PDGFRA: variants seen among roughly 807,000 people sequenced by gnomAD.
PDGFRA encodes the protein platelet-derived growth factor receptor alpha.
Under a neutral mutation model 121.5 loss-of-function variants are expected in PDGFRA, and 25 were observed. The observed-to-expected ratio is 0.21, with a 90% CI of 0.15 to 0.29. The LOEUF is 0.29. Among genes scored for constraint, PDGFRA ranks in the 10% least tolerant of loss-of-function variants. The pLI is 1.00. For synonymous variants in PDGFRA, 463 were observed against 494.8 expected, an observed-to-expected ratio of 0.94 and a Z score of 0.85; for missense variants, 1,008 against 1,345.1, an observed-to-expected ratio of 0.75 and a Z score of 3.92.
Position 54,267,468 on chromosome 4 carries a change from C to T in PDGFRA, c.931+8C>T, listed in dbSNP as rs1218404717. 3.7e-6 allele frequency: 6 copies of T among 1,614,042 alleles called. No individual in the cohort carries two copies. In the South Asian group the frequency reaches 5.5e-5, roughly 15 times the overall value. ...TCACTATTTCTGTCCATGGTACATT[C>T]CGCTTTCTAAAATGTCAGTTGTCCA... is the stretch of plus-strand genomic sequence containing the variant. On this transcript the variant is annotated splice_region_variant and intron_variant, in intron 6 of 22. Transcript: ENST00000257290.
At chr4:54,269,691 G>A (rs936385002) in intron 7 of PDGFRA, among the ~76,000 whole-genome samples, 29 of 141,936 alleles carry the variant, frequency 2.0e-4, no homozygotes, top group African/African-American at 5.6e-4. Context: ...CACCCAGGCT[G>A]GAGTGCAGCG....
In PDGFRA at chr4:54,263,688, C is replaced by T. The variant is rs2110250671; in HGVS notation, c.389C>T (p.Pro130Leu). 1 of 1,613,620 alleles carries T rather than the reference C, an allele frequency of 6.2e-7. No individual in the cohort carries two copies. Among genetic ancestry groups the T allele is most frequent in the South Asian group, 1.1e-5 (1 of 91,068 alleles). ...ACAGACCCAGATGTAGCCTTTGTAC[C>T]TCTAGGAATGACGGATTATTTAGTC... Reference protein sequence around the residue: ...YVPDPDVAFVPLGMTDYLVIV... With the variant: ...YVPDPDVAFVLLGMTDYLVIV... The change falls in exon 4 of 23, where the codon CCT becomes CTT. Residue 130 changes from proline to leucine, a missense_variant. Physicochemically the swap from Pro to Leu is moderately conservative, Grantham distance 98 (BLOSUM62 -3). Around this residue, in one of 5 missense-constraint regions of PDGFRA, gnomAD observed 575 missense variants for 701.8 expected, o/e 0.82. Transcript: ENST00000257290.
chr4:54,281,987 T>G, intron 16 of PDGFRA: 3 of 1,076,316 alleles, frequency 2.8e-6, no homozygotes, highest in Non-Finnish European at 3.4e-6. Context: ...TACTTTTTCA[T>G]GTAGCTTGTA....
intron 2 of PDGFRA, among the ~76,000 whole-genome samples, chr4:54,260,741 G>C (rs1351262050): frequency 1.3e-5 from 2 of 152,026 alleles, no homozygotes; most frequent in African/African-American, 4.8e-5. Flanking sequence ...AACCTTTGCA[G>C]TGATTGTGAA....
At chr4:54,232,403 G>A (rs73149594) in intron 1 of PDGFRA, among the ~76,000 whole-genome samples, 2,839 of 152,308 alleles carry the variant, frequency 0.019, 96 homozygotes, top group African/African-American at 0.065. Context: ...AACCTGGGAT[G>A]GGCTGAAAAA....
At chr4:54,249,489 A>G (rs886102745) in intron 1 of PDGFRA, among the ~76,000 whole-genome samples, 8 of 152,230 alleles carry the variant, frequency 5.3e-5, no homozygotes, top group Non-Finnish European at 1.0e-4. Context: ...TTGTAGGGAC[A>G]TGGATGAAAT....
At chr4:54,264,863 T>C in intron 4 of PDGFRA, 56 bp from the exon 5 acceptor site, 2 of 1,470,206 alleles carry the variant, frequency 1.4e-6, no homozygotes, top group Non-Finnish European at 9.4e-7. Context: ...CCAAACTTTA[T>C]AAGATCCTGG....
intron 3 of PDGFRA, among the ~76,000 whole-genome samples, chr4:54,262,257 G>A (rs1184155832): frequency 6.6e-6 from 1 of 151,872 alleles, no homozygotes; most frequent in Non-Finnish European, 1.5e-5. Flanking sequence ...TAGAGATAGG[G>A]TTTCACTGTG....
intron 18 of PDGFRA, among the ~76,000 whole-genome samples, chr4:54,286,319 T>TTTTTTTTA (rs751851941): frequency 4.8e-5 from 7 of 146,306 alleles, no homozygotes; most frequent in Admixed American, 1.4e-4. Flanking sequence ...ATGTTAGCTA[T>TTTTTTTTA]TTTATTTATT....
intron 1 of PDGFRA, among the ~76,000 whole-genome samples, chr4:54,255,096 G>A (rs1722286064): frequency 6.6e-6 from 1 of 152,116 alleles, no homozygotes; most frequent in African/African-American, 2.4e-5. Flanking sequence ...TAGAATTTTG[G>A]CTCTGACACC....
intron 16 of PDGFRA, chr4:54,280,745 G>T: frequency 7.4e-6 from 2 of 270,348 alleles, no homozygotes; most frequent in East Asian, 6.3e-5. Context: ...GTGTGTTCCT[G>T]CAGTAAACAT....
chr4:54,297,891 G>A lies in PDGFRA; in HGVS notation c.*2619G>A, dbSNP rs754642977. On this transcript the variant is annotated 3_prime_UTR_variant, in exon 23 of 23. Transcript: ENST00000257290. ...TGTGAAGAGGGACATAAGATAAAATGATGTTATACATCAATATGTATATAT... is the reference window on the plus strand; with the variant it reads ...TGTGAAGAGGGACATAAGATAAAATAATGTTATACATCAATATGTATATAT... 1 of 233,198 alleles carries A rather than the reference G, an allele frequency of 4.3e-6. No homozygotes were observed. The highest frequency in any genetic ancestry group is 2.2e-5 in the African/African-American group (1 of 45,314). 14.4% of individuals were successfully genotyped at this position (233,198 alleles called of 1,614,324 possible).
rs781579645 is a variant in PDGFRA, at chr4:54,270,682, C to A, written c.1171C>A (p.His391Asn). 1 of 1,612,352 alleles carries A rather than the reference C, an allele frequency of 6.2e-7. No individual in the cohort carries two copies. Among genetic ancestry groups the A allele is most frequent in the South Asian group, 1.1e-5 (1 of 91,042 alleles). ...CCGTGCTAAGGAAGAAGACAGTGGC[C>A]ATTATACTATTGTAGCTCAAAATGA... Reference protein sequence around the residue: ...LIRAKEEDSGHYTIVAQNEDA... With the variant: ...LIRAKEEDSGNYTIVAQNEDA... Residue 391 changes from histidine (H) to asparagine (N), a missense_variant, in exon 8 of 23, where the codon CAT becomes AAT. By Grantham distance (68) the His-to-Asn change is moderately conservative. Coordinates refer to ENST00000257290, the MANE Select transcript of PDGFRA (RefSeq NM_006206.6).
At chr4:54,277,827 T>A (rs1337413754) in intron 13 of PDGFRA, 69 bp from the exon 14 acceptor site, 1 of 987,360 alleles carries the variant, frequency 1.0e-6, no homozygotes, top group Non-Finnish European at 1.6e-6. Context: ...AGTCATATTC[T>A]TGGTTTTTTT....
Position 54,280,394 on chromosome 4 carries a change from G to T in PDGFRA, c.2235G>T (p.Met745Ile), listed in dbSNP as rs763727620. Residue 745 changes from methionine (M) to isoleucine (I), a missense_variant, in exon 16 of 23, where the codon ATG becomes ATT. Physicochemically the swap from Met to Ile is conservative, Grantham distance 10 (BLOSUM62 1). This residue lies in a region of PDGFRA where 128 missense variants were observed against 147.6 expected (regional missense o/e 0.87). Coordinates refer to ENST00000257290, the MANE Select transcript of PDGFRA (RefSeq NM_006206.6). ...CTGATACTACACAGTATGTCCCCATGCTAGAAAGGAAAGAGGTTTCTAAAT... is the reference window on the plus strand; with the variant it reads ...CTGATACTACACAGTATGTCCCCATTCTAGAAAGGAAAGAGGTTTCTAAAT... ...KQADTTQYVP[M>I]LERKEVSKYS... The T allele has an allele frequency of 6.2e-7, 1 of 1,612,810 alleles. No individual in the cohort carries two copies.
intron 9 of PDGFRA, 65 bp from the exon 10 acceptor site, chr4:54,273,472 G>C (rs771003872): frequency 1.6e-6 from 2 of 1,279,012 alleles, no homozygotes; most frequent in Non-Finnish European, 2.3e-6. Flanking sequence ...GAGTGTTCCC[G>C]TGGCTCCACT....
chr4:54,258,339 A>C (rs1360039112), intron 1 of PDGFRA, among the ~76,000 whole-genome samples: 3 of 152,158 alleles, frequency 2.0e-5, no homozygotes, highest in Non-Finnish European at 4.4e-5. Flanking sequence ...TGGCACTGAA[A>C]TATTAAGGTA....
chr4:54,265,635 G>A (rs748768404), intron 5 of PDGFRA, among the ~76,000 whole-genome samples: 1 of 152,182 alleles, frequency 6.6e-6, no homozygotes, highest in Non-Finnish European at 1.5e-5. Context: ...CCAGAAGCTG[G>A]TTCAGTATTG....
At position 54,263,758 on chromosome 4, in the gene PDGFRA, T is replaced by G. The variant is rs2110251670; in HGVS notation, c.459T>G (p.Thr153=). Residue 153 remains threonine, a synonymous_variant, in exon 4 of 23, where the codon ACT becomes ACG. Transcript: ENST00000257290. ...CTGCCATTATACCTTGTCGCACAAC[T>G]GATCCCGAGACTCCTGTAACCTTAC... ...DDSAIIPCRT[T]DPETPVTLHN... The G allele has an allele frequency of 5.6e-6, 9 of 1,614,092 alleles. No homozygotes were observed. The highest frequency in any genetic ancestry group is 7.6e-6 in the Non-Finnish European group (9 of 1,179,986).
Sources: allele counts gnomAD v4.1 joint callset (sites outside exome capture counted in the v4.1 genomes callset), GRCh38; gene constraint gnomAD v4.1.1; regional missense constraint gnomAD v4.1.1; transcripts MANE v1.5; gene names NCBI Gene and HGNC (gene_info 2026-07-23, HGNC 2026-07-21).